Variants in NCOA2 observed in about 807,000 individuals in gnomAD.
NCOA2 encodes class E basic helix-loop-helix protein 75.
NCOA2 carries 21 observed loss-of-function variants against 145.1 expected under a neutral mutation model. That is an observed-to-expected ratio of 0.14 (90% CI 0.10 to 0.21). The LOEUF (loss-of-function observed/expected upper bound fraction) is 0.21, where lower values mean the gene tolerates loss of function less well. Ranked by LOEUF, NCOA2 falls within the 10% of genes least tolerant of loss-of-function variation. The probability of loss-of-function intolerance (pLI) is 1.00; values close to 1 mark genes in which losing one functional copy is unlikely to be tolerated. For missense variants in NCOA2, 1,472 were observed against 1,837.6 expected (o/e 0.80, Z 3.64); for synonymous variants, 619 against 637.5 (o/e 0.97, Z 0.44).
At chr8:70,384,815 G>A (rs1812514922) in intron 1 of NCOA2, among the ~76,000 whole-genome samples, 1 of 151,994 alleles carries the variant, frequency 6.6e-6, no homozygotes, top group Admixed American at 6.6e-5. Flanking sequence ...AATGTAACAG[G>A]GACAGGAATG....
At chr8:70,230,571 T>C (rs997531601) in intron 2 of NCOA2, among the ~76,000 whole-genome samples, 6 of 152,184 alleles carry the variant, frequency 3.9e-5, no homozygotes, top group Admixed American at 3.9e-4. Flanking sequence ...AGTTTGCAAG[T>C]ATTTAGAAAA....
intron 1 of NCOA2, among the ~76,000 whole-genome samples, chr8:70,328,676 C>T (rs777569674): frequency 4.9e-4 from 75 of 152,216 alleles, no homozygotes; most frequent in Non-Finnish European, 9.4e-4. Flanking sequence ...CATCTGTACA[C>T]ACAGAATACA....
intron 4 of NCOA2, among the ~76,000 whole-genome samples, chr8:70,185,245 CA>C (rs1815929203): frequency 6.6e-6 from 1 of 152,136 alleles, no homozygotes; most frequent in Non-Finnish European, 1.5e-5. Context: ...TTTGCTTGAG[CA>C]ATCATGGGAG....
intron 22 of NCOA2, among the ~76,000 whole-genome samples, chr8:70,117,326 C>G (rs894354130): frequency 1.3e-5 from 2 of 152,220 alleles, no homozygotes; most frequent in African/African-American, 4.8e-5. Flanking sequence ...TCAGTCTCAT[C>G]TGAAATGGTG....
At chr8:70,204,244 G>A (rs1818215312) in intron 4 of NCOA2, among the ~76,000 whole-genome samples, 1 of 152,142 alleles carries the variant, frequency 6.6e-6, no homozygotes, top group East Asian at 1.9e-4. Flanking sequence ...CTGACCTCAA[G>A]TGATCCGCCT....
intron 2 of NCOA2, among the ~76,000 whole-genome samples, chr8:70,262,722 C>G (rs1375262878): frequency 2.0e-5 from 3 of 152,176 alleles, no homozygotes; most frequent in African/African-American, 7.2e-5. Flanking sequence ...CCTGAGAAGG[C>G]TGCTATAATT....
chr8:70,277,329 T>C (rs1402552424), intron 2 of NCOA2, among the ~76,000 whole-genome samples: 1 of 152,152 alleles, frequency 6.6e-6, no homozygotes, highest in African/African-American at 2.4e-5. Context: ...TCTCTTGCCT[T>C]TTCTGTTTTT....
intron 1 of NCOA2, among the ~76,000 whole-genome samples, chr8:70,392,026 TAGG>T (rs770420226): frequency 6.6e-5 from 10 of 152,046 alleles, no homozygotes; most frequent in Non-Finnish European, 1.0e-4. Flanking sequence ...GTGGAGAGGG[TAGG>T]AGGAGAAATT....
At chr8:70,449,085 C>T in the NCOA2 span, among the ~76,000 whole-genome samples, 3 of 152,140 alleles carry the variant, frequency 2.0e-5, no homozygotes, top group South Asian at 4.1e-4. Context: ...AAATTACAGG[C>T]GTGAACCACA....
At chr8:70,411,575 G>A in the NCOA2 span, among the ~76,000 whole-genome samples, 4 of 152,172 alleles carry the variant, frequency 2.6e-5, no homozygotes, top group African/African-American at 9.7e-5. Flanking sequence ...TCCTTAGTAT[G>A]TATCCTATAG....
intron 15 of NCOA2, among the ~76,000 whole-genome samples, chr8:70,134,048 C>T (rs1809463320): frequency 6.6e-6 from 1 of 152,178 alleles, no homozygotes; most frequent in African/African-American, 2.4e-5. Flanking sequence ...CACTCCCGCC[C>T]CTTTCTGCCC....
Position 70,157,049 on chromosome 8 carries a change from C to A in NCOA2, c.1316G>T (p.Gly439Val). ...CATTCCCCCAGAACCACCAAACCTG[C>A]CCATGGGCATGCCCATTTGTTCCTT... is the stretch of plus-strand genomic sequence containing the variant. ...GPKEQMGMPM[G>V]RFGGSGGMNH... Residue 439 changes from glycine (G) to valine (V), a missense_variant, in exon 11 of 23, where the codon GGC becomes GTC. Coordinates refer to ENST00000452400, the MANE Select transcript of NCOA2 (RefSeq NM_006540.4). The A allele has an allele frequency of 6.2e-7, 1 of 1,614,066 alleles. No individual in the cohort carries two copies.
At chr8:70,139,441 T>G (rs889971003) in intron 14 of NCOA2, among the ~76,000 whole-genome samples, 4 of 152,174 alleles carry the variant, frequency 2.6e-5, no homozygotes, top group African/African-American at 9.7e-5. Flanking sequence ...AGAAATCAGT[T>G]TTTAGCATTT....
At position 70,147,110 on chromosome 8, in the gene NCOA2, T is replaced by TCGCG. The variant is rs71758835; in HGVS notation, c.2605+1159_2605+1162dup. On this transcript the variant is annotated intron_variant, in intron 12 of 22. Transcript: ENST00000452400. The stretch of plus-strand genomic sequence containing the variant: ...GTTTGAGAGGTCACATGCAAATCTT[T>TCGCG]CGCGCGCGCGCGCGCGCGTGTGTGT... 3.2e-3 allele frequency among the ~76,000 whole-genome samples: 482 copies of TCGCG among 149,530 alleles called. 5 individuals carry two copies. The highest frequency in any genetic ancestry group is 0.011 in the African/African-American group (449 of 40,306).
At chr8:70,419,795 T>G in the NCOA2 span, among the ~76,000 whole-genome samples, 2 of 152,242 alleles carry the variant, frequency 1.3e-5, no homozygotes, top group Non-Finnish European at 2.9e-5. Context: ...GACTTCAATT[T>G]CAAATAAACT....
At chr8:70,240,151 GATA>G in intron 2 of NCOA2, among the ~76,000 whole-genome samples, 1 of 152,286 alleles carries the variant, frequency 6.6e-6, no homozygotes, top group Non-Finnish European at 1.5e-5. Context: ...TGAACCTCCA[GATA>G]ATAACAAGCT....
Position 70,163,586 on chromosome 8 carries a change from C to T in NCOA2, c.731-20G>A. 2 of 1,588,886 alleles carry T rather than the reference C, an allele frequency of 1.3e-6. No individual in the cohort carries two copies. Among genetic ancestry groups the T allele is most frequent in the Non-Finnish European group, 8.6e-7 (1 of 1,158,334 alleles). ...GCAAATCTTAAACCACACATGTTTACATTTATCATATTGGGCTTTTCTAGT... is the reference window on the plus strand; with the variant it reads ...GCAAATCTTAAACCACACATGTTTATATTTATCATATTGGGCTTTTCTAGT... On this transcript the variant is annotated intron_variant, in intron 7 of 22. Coordinates refer to ENST00000452400, the MANE Select transcript of NCOA2 (RefSeq NM_006540.4).
intron 6 of NCOA2, among the ~76,000 whole-genome samples, chr8:70,169,863 T>C (rs1298050892): frequency 6.6e-6 from 1 of 151,118 alleles, no homozygotes; most frequent in Non-Finnish European, 1.5e-5. Context: ...TCTGTTCATT[T>C]ATCATGAGGT....
At chr8:70,435,504 C>A in the NCOA2 span, among the ~76,000 whole-genome samples, 1 of 145,278 alleles carries the variant, frequency 6.9e-6, no homozygotes, top group Non-Finnish European at 1.5e-5. Flanking sequence ...CCTAGCTCTA[C>A]TGCTTTTTAG....
Sources: allele counts gnomAD v4.1 joint callset (sites outside exome capture counted in the v4.1 genomes callset), GRCh38; gene constraint gnomAD v4.1.1; transcripts MANE v1.5; gene names NCBI Gene and HGNC (gene_info 2026-07-23, HGNC 2026-07-21).